CABIN1: variants seen among roughly 807,000 people sequenced by gnomAD.
The protein encoded by CABIN1 is calcineurin binding protein 1, also known as calcineurin-binding protein cabin-1.
A neutral mutation model predicts 227.7 loss-of-function variants in CABIN1; 133 were observed. The ratio of observed to expected loss-of-function variants is 0.58; its 90% CI spans 0.51 to 0.67. The LOEUF is 0.67. Ranked by LOEUF, CABIN1 falls within the 30% of genes least tolerant of loss-of-function variation. The probability of loss-of-function intolerance (pLI) is 0.00; values close to 1 mark genes in which losing one functional copy is unlikely to be tolerated. For missense variants in CABIN1, 2,408 were observed against 2,852.5 expected (o/e 0.84, Z 3.55); for synonymous variants, 1,086 against 1,155.1 (o/e 0.94, Z 1.21).
chr22:24,089,006 A>G (rs1363619177), intron 23 of CABIN1, among the ~76,000 whole-genome samples: 3 of 152,156 alleles, frequency 2.0e-5, no homozygotes, highest in Admixed American at 2.0e-4. Context: ...CAGGCTGGGG[A>G]CTGAAGCTGC....
chr22:24,022,106 C>T (rs990573753), intron 1 of CABIN1, among the ~76,000 whole-genome samples: 2 of 151,938 alleles, frequency 1.3e-5, no homozygotes, highest in South Asian at 2.1e-4. Context: ...AATTGTATTT[C>T]CTTTTATTAG....
At chr22:24,082,391 G>T (rs151239271) in intron 19 of CABIN1, among the ~76,000 whole-genome samples, 3 of 152,138 alleles carry the variant, frequency 2.0e-5, no homozygotes, top group Non-Finnish European at 2.9e-5. Flanking sequence ...CATCCAGCCA[G>T]TATTCACTTT....
intron 1 of CABIN1, among the ~76,000 whole-genome samples, chr22:24,032,031 C>T (rs938099258): frequency 2.6e-5 from 4 of 152,196 alleles, no homozygotes; most frequent in African/African-American, 9.7e-5. Context: ...TTTAAGTGTA[C>T]AGCTCAGTGG....
chr22:24,023,695 A>G (rs936882644), intron 1 of CABIN1, among the ~76,000 whole-genome samples: 7 of 150,782 alleles, frequency 4.6e-5, no homozygotes, highest in African/African-American at 1.7e-4. Context: ...AGGTGTTTTT[A>G]TATCTTCTTT....
At chr22:24,041,798 C>T (rs1012699032) in intron 5 of CABIN1, among the ~76,000 whole-genome samples, 4 of 152,268 alleles carry the variant, frequency 2.6e-5, no homozygotes. Flanking sequence ...CACTAATCCT[C>T]ATGCCATCTT....
At chr22:24,109,959 C>T (rs2042721209) in intron 26 of CABIN1, among the ~76,000 whole-genome samples, 1 of 152,122 alleles carries the variant, frequency 6.6e-6, no homozygotes, top group Non-Finnish European at 1.5e-5. Context: ...CACCTGAGGT[C>T]AGGAGTTTGA....
chr22:24,059,972 GC>G lies in CABIN1; in HGVS notation c.1449del (p.Ile484SerfsTer4). On this transcript the variant is annotated frameshift_variant, in exon 12 of 37. Coordinates refer to ENST00000263119, the MANE Select transcript of CABIN1 (RefSeq NM_012295.4). LOFTEE classifies it high-confidence loss of function. ...EFLLENLTNG[G>X]ILELMMRYLK... is the part of the protein sequence containing the mutation. ...CTGCTGGAGAACCTAACCAACGGGGGCATCCTGGAGCTGATGATGCGCTACC... is the reference window on the plus strand; with the variant it reads ...CTGCTGGAGAACCTAACCAACGGGGGATCCTGGAGCTGATGATGCGCTACC... 6.2e-7 allele frequency: 1 copy of G among 1,614,252 alleles called. No individual in the cohort carries two copies. Among genetic ancestry groups the G allele is most frequent in the Non-Finnish European group, 8.5e-7 (1 of 1,180,048 alleles).
chr22:24,133,909 G>A (rs1022918670), intron 28 of CABIN1, among the ~76,000 whole-genome samples: 2 of 152,226 alleles, frequency 1.3e-5, no homozygotes, highest in East Asian at 1.9e-4. Context: ...ACCACTGGCC[G>A]TGAATAAGGA....
rs2044265816 is a variant in CABIN1 at position 24,134,414 on chromosome 22, A to G, written c.4745A>G (p.Asn1582Ser). Residue 1582 changes from asparagine (N) to serine (S), a missense_variant and splice_region_variant, in exon 29 of 37, where the codon AAC becomes AGC. Coordinates refer to ENST00000263119, the MANE Select transcript of CABIN1 (RefSeq NM_012295.4). Reference protein sequence around the residue: ...FCERNKTNFFNGIWRIPVDEI... With the variant: ...FCERNKTNFFSGIWRIPVDEI... Reference sequence around the variant, plus strand: ...GAGAGGAACAAGACCAATTTCTTCAACGTGAGTACTTTGCCTTGTTGATTT... The same window carrying G: ...GAGAGGAACAAGACCAATTTCTTCAGCGTGAGTACTTTGCCTTGTTGATTT... 1 of 1,610,882 alleles carries G rather than the reference A, an allele frequency of 6.2e-7. No individual in the cohort carries two copies. Among genetic ancestry groups the G allele is most frequent in the Non-Finnish European group, 8.5e-7 (1 of 1,177,202 alleles).
intron 18 of CABIN1, among the ~76,000 whole-genome samples, chr22:24,074,486 G>C (rs2040304599): frequency 6.6e-6 from 1 of 152,176 alleles, no homozygotes; most frequent in African/African-American, 2.4e-5. Context: ...CTCATTTGTG[G>C]AGAGTGGCAT....
rs763783967 is a variant in CABIN1, at chr22:24,171,947, C to T, written c.5992C>T (p.Arg1998Trp). 1.5e-5 allele frequency: 24 copies of T among 1,613,604 alleles called. No homozygotes were observed. Among genetic ancestry groups the T allele is most frequent in the South Asian group, 4.4e-5 (4 of 91,092 alleles). Residue 1998 changes from arginine (R) to tryptophan (W), a missense_variant, in exon 34 of 37, where the codon CGG (arginine) becomes TGG (tryptophan). By Grantham distance (101) the Arg-to-Trp change is moderately radical (BLOSUM62 -3). This residue lies in a region of CABIN1 where 714 missense variants were observed against 773.8 expected (regional missense o/e 0.92). Transcript: ENST00000263119. ...CCAGTCCAAGGACCCTGGGCCTCCC[C>T]GGCCACACAGGCCTGAAGCTACCCC... Reference protein sequence around the residue: ...LDQSKDPGPPRPHRPEATPSM... With the variant: ...LDQSKDPGPPWPHRPEATPSM...
intron 4 of CABIN1, among the ~76,000 whole-genome samples, chr22:24,039,826 C>CT (rs1484355900): frequency 1.3e-5 from 2 of 152,194 alleles, no homozygotes; most frequent in Non-Finnish European, 2.9e-5. Flanking sequence ...AGAACAGTTT[C>CT]TTTTTACACT....
chr22:24,091,443 T>C lies in CABIN1; in HGVS notation c.3526-140T>C. ...CACTTCGGTGTCACCAGCTGTGAAA[T>C]GGTGAGGGCATTTCTGTGTCTTGGT... is the stretch of plus-strand genomic sequence containing the variant. On this transcript the variant is annotated intron_variant, in intron 23 of 36. Transcript: ENST00000263119. 7 of 1,075,612 alleles carry C rather than the reference T, an allele frequency of 6.5e-6. No individual in the cohort carries two copies. In the South Asian group the frequency reaches 8.1e-5, roughly 12 times the overall value. The allele number at this position is 1,075,612 out of a possible 1,614,324, so 66.6% of individuals were successfully genotyped here.
At chr22:24,165,425 A>C in intron 30 of CABIN1, 105 bp from the exon 31 acceptor site, 1 of 1,058,372 alleles carries the variant, frequency 9.4e-7, no homozygotes, top group Non-Finnish European at 1.4e-6. Flanking sequence ...ACTGAGGAAC[A>C]AACAGGCATC....
At position 24,041,421 on chromosome 22, in the gene CABIN1, G is replaced by A. The variant is rs2147085574; in HGVS notation, c.345+148G>A. 4.9e-6 allele frequency: 5 copies of A among 1,018,602 alleles called. 1 individual carries two copies. The highest frequency in any genetic ancestry group is 3.0e-6 in the Non-Finnish European group (2 of 671,524). 63.1% of individuals were successfully genotyped at this position (1,018,602 alleles called of 1,614,324 possible). The stretch of plus-strand genomic sequence containing the variant: ...CCAAGGCTCTAGGGTAGGTCCATAG[G>A]TGATAACAATTAGTACTGACCAGGC... On this transcript the variant is annotated intron_variant, in intron 5 of 36. Coordinates refer to ENST00000263119, the MANE Select transcript of CABIN1 (RefSeq NM_012295.4).
rs754851734 is a variant in CABIN1 at position 24,176,255 on chromosome 22, C to A, written c.6185C>A (p.Ala2062Asp). Residue 2062 changes from alanine to aspartate, a missense_variant, in exon 35 of 37, where the codon GCT (alanine) becomes GAT (aspartate). Ala to Asp is a moderately radical substitution (Grantham distance 126). Transcript: ENST00000263119. ...WPAEAALGTG[A>D]EPTCSQEGKL... ...GCAGAGGCTGCCCTGGGCACAGGCGCTGAGCCCACCTGCAGCCAGGGTAAG... is the reference window on the plus strand; with the variant it reads ...GCAGAGGCTGCCCTGGGCACAGGCGATGAGCCCACCTGCAGCCAGGGTAAG... The A allele has an allele frequency of 6.2e-7, 1 of 1,603,764 alleles. No individual in the cohort carries two copies. The highest frequency in any genetic ancestry group is 8.5e-7 in the Non-Finnish European group (1 of 1,176,624).
chr22:24,124,837 C>G (rs1034424827), intron 28 of CABIN1, among the ~76,000 whole-genome samples: 15 of 151,866 alleles, frequency 9.9e-5, no homozygotes, highest in Non-Finnish European at 2.1e-4. Context: ...CCTGCTACTT[C>G]TGCTGCAAGG....
At chr22:24,105,367 T>G (rs1200097801) in intron 26 of CABIN1, among the ~76,000 whole-genome samples, 1 of 152,218 alleles carries the variant, frequency 6.6e-6, no homozygotes, top group Non-Finnish European at 1.5e-5. Flanking sequence ...ACACGAAACA[T>G]TCCAGTAATT....
chr22:24,095,504 CAG>C (rs989323020), intron 24 of CABIN1, among the ~76,000 whole-genome samples: 3 of 126,762 alleles, frequency 2.4e-5, no homozygotes, highest in African/African-American at 9.0e-5. Context: ...GGGCTATAAA[CAG>C]AAATCCAACC....
Sources: allele counts gnomAD v4.1 joint callset (sites outside exome capture counted in the v4.1 genomes callset), GRCh38; gene constraint gnomAD v4.1.1; regional missense constraint gnomAD v4.1.1; transcripts MANE v1.5; gene names NCBI Gene and HGNC (gene_info 2026-07-23, HGNC 2026-07-21).